AGBL4: variants seen among roughly 807,000 people sequenced by gnomAD.
AGBL4 encodes the protein AGBL carboxypeptidase 4.
In AGBL4, 58 loss-of-function variants were observed where a neutral mutation model predicts 66.4. The observed-to-expected ratio is 0.87, with a 90% CI of 0.71 to 1.09. The LOEUF is 1.09. AGBL4 is among the 50% of genes least tolerant of loss of function. The pLI, the probability that AGBL4 is intolerant of heterozygous loss-of-function variation, is 0.00. For synonymous variants in AGBL4, 234 were observed against 222.9 expected, an observed-to-expected ratio of 1.05 and a Z score of -0.44; for missense variants, 579 against 631.0, an observed-to-expected ratio of 0.92 and a Z score of 0.88.
chr1:49,586,205 G>GA (rs1303921583), intron 3 of AGBL4, among the ~76,000 whole-genome samples: 1 of 151,554 alleles, frequency 6.6e-6, no homozygotes, highest in African/African-American at 2.4e-5. Flanking sequence ...TTTATACTTG[G>GA]AAAAAAAACA....
intron 6 of AGBL4, among the ~76,000 whole-genome samples, chr1:48,727,151 G>C: frequency 6.6e-6 from 1 of 152,186 alleles, no homozygotes; most frequent in East Asian, 1.9e-4. Context: ...ATACAAGATA[G>C]GATGAAAGAA....
chr1:49,503,770 A>G (rs1648419059), intron 3 of AGBL4, among the ~76,000 whole-genome samples: 1 of 152,120 alleles, frequency 6.6e-6, no homozygotes, highest in African/African-American at 2.4e-5. Flanking sequence ...TGGAGTGGGT[A>G]TATTTACCTA....
intron 3 of AGBL4, among the ~76,000 whole-genome samples, chr1:49,446,008 T>G (rs953939449): frequency 6.6e-6 from 1 of 152,044 alleles, no homozygotes; most frequent in African/African-American, 2.4e-5. Context: ...CCTGCCACCA[T>G]GCCTGACTAA....
chr1:48,664,193 T>C (rs1646151042), intron 6 of AGBL4, among the ~76,000 whole-genome samples: 1 of 152,178 alleles, frequency 6.6e-6, no homozygotes, highest in Admixed American at 6.5e-5. Context: ...GTTGGGTAAC[T>C]GTGAGCTCCA....
chr1:49,650,823 T>A (rs1645989007), intron 3 of AGBL4, among the ~76,000 whole-genome samples: 1 of 152,120 alleles, frequency 6.6e-6, no homozygotes. Flanking sequence ...CAGAAACAGA[T>A]ACGGAGGAGT....
intron 1 of AGBL4, among the ~76,000 whole-genome samples, chr1:49,873,244 T>A (rs1489142627): frequency 6.6e-6 from 1 of 152,018 alleles, no homozygotes; most frequent in Admixed American, 6.6e-5. Context: ...TGTGGGTACA[T>A]GAGACTTCAC....
chr1:49,101,086 C>T (rs951093199), intron 4 of AGBL4, among the ~76,000 whole-genome samples: 1 of 152,184 alleles, frequency 6.6e-6, no homozygotes, highest in African/African-American at 2.4e-5. Flanking sequence ...CTCAGACCTA[C>T]AGGTTCTGTG....
chr1:49,971,237 G>A (rs773163954), intron 1 of AGBL4, among the ~76,000 whole-genome samples: 5 of 152,066 alleles, frequency 3.3e-5, no homozygotes, highest in Admixed American at 6.6e-5. Context: ...GATATCTTGC[G>A]CAGTCCTGTG....
chr1:49,565,417 G>C (rs868317021), intron 3 of AGBL4, among the ~76,000 whole-genome samples: 3 of 152,114 alleles, frequency 2.0e-5, no homozygotes, highest in African/African-American at 7.2e-5. Flanking sequence ...TTTACAATTT[G>C]GCATGTTTTT....
Position 48,895,453 on chromosome 1 carries a change from T to C in AGBL4, c.595-28223A>G, listed in dbSNP as rs77850576. On this transcript the variant is annotated intron_variant, in intron 5 of 13. Transcript: ENST00000371839. ...AATTCTGACAGCAAGGTGCTTAGCA[T>C]GTAGAATGCAAAATGCAAATGCTGG... is the stretch of plus-strand genomic sequence containing the variant. 1.9e-3 allele frequency among the ~76,000 whole-genome samples: 282 copies of C among 152,304 alleles called. 5 individuals are homozygous for C. The highest frequency in any genetic ancestry group is 6.3e-3 in the African/African-American group (262 of 41,554).
In AGBL4 at chr1:49,828,848, A is replaced by AT. The variant is rs1645579373; in HGVS notation, c.157+22547dup. On this transcript the variant is annotated intron_variant, in intron 2 of 13. Coordinates refer to ENST00000371839, the MANE Select transcript of AGBL4 (RefSeq NM_032785.4). The stretch of plus-strand genomic sequence containing the variant: ...TATTTTGGAAGGCCGAGGCGGGCGG[A>AT]TCACGAGGTCAGGAGATCAAGACCA... Among the ~76,000 whole-genome samples, 4 of 152,196 alleles carry AT rather than the reference A, an allele frequency of 2.6e-5. No individual in the cohort carries two copies. The South Asian group carries it at 8.3e-4, about 32-fold the overall frequency.
intron 3 of AGBL4, among the ~76,000 whole-genome samples, chr1:49,563,901 T>C (rs1464960443): frequency 6.6e-6 from 1 of 152,200 alleles, no homozygotes; most frequent in Non-Finnish European, 1.5e-5. Flanking sequence ...CTCCTCCTTG[T>C]ACCTCTGGTA....
intron 3 of AGBL4, among the ~76,000 whole-genome samples, chr1:49,686,979 A>C (rs1646798485): frequency 6.6e-6 from 1 of 152,224 alleles, no homozygotes; most frequent in Non-Finnish European, 1.5e-5. Context: ...TGGAAATATG[A>C]AACAACATGG....
intron 3 of AGBL4, among the ~76,000 whole-genome samples, chr1:49,510,323 C>G (rs1229623132): frequency 1.3e-5 from 2 of 151,726 alleles, no homozygotes; most frequent in African/African-American, 2.4e-5. Flanking sequence ...TTGCATTTCT[C>G]TGATGGCCAG....
chr1:49,226,424 T>C (rs974287119), intron 4 of AGBL4, among the ~76,000 whole-genome samples: 1 of 152,210 alleles, frequency 6.6e-6, no homozygotes, highest in Non-Finnish European at 1.5e-5. Flanking sequence ...GGAGCTGCTA[T>C]GGAAAGCATC....
intron 5 of AGBL4, among the ~76,000 whole-genome samples, chr1:48,973,991 G>A (rs1052098232): frequency 6.6e-6 from 1 of 152,122 alleles, no homozygotes; most frequent in South Asian, 2.1e-4. Context: ...GGATGTGCTA[G>A]TTCAGGTGCT....
At chr1:49,434,688 TG>T (rs1346649708) in intron 3 of AGBL4, among the ~76,000 whole-genome samples, 10 of 150,740 alleles carry the variant, frequency 6.6e-5, no homozygotes, top group African/African-American at 2.4e-4. Flanking sequence ...GTGGTAGTGG[TG>T]GTGGTGGTGG....
chr1:49,487,613 A>G (rs1269616688), intron 3 of AGBL4, among the ~76,000 whole-genome samples: 1 of 151,952 alleles, frequency 6.6e-6, no homozygotes, highest in Non-Finnish European at 1.5e-5. Flanking sequence ...GCCTTCCACC[A>G]TGATTATGTT....
At chr1:49,023,301 A>G (rs1444504310) in intron 5 of AGBL4, among the ~76,000 whole-genome samples, 1 of 152,142 alleles carries the variant, frequency 6.6e-6, no homozygotes, top group African/African-American at 2.4e-5. Flanking sequence ...TGGGCCAGCA[A>G]CTAATGAGGC....
Sources: gnomAD v4.1 joint callset for allele counts (sites outside exome capture counted in the v4.1 genomes callset) on GRCh38, gnomAD v4.1.1 for gene constraint, MANE v1.5 for transcripts, NCBI Gene and HGNC (gene_info 2026-07-23, HGNC 2026-07-21) for gene names.